Variants in CD40 observed in about 807,000 individuals in gnomAD.
The protein encoded by CD40 is CD40 molecule.
In CD40, 19 loss-of-function variants were observed where a neutral mutation model predicts 38.5. The observed-to-expected ratio is 0.49, with a 90% CI of 0.34 to 0.72. CD40 has a LOEUF of 0.72. Among genes scored for constraint, CD40 ranks in the 30% least tolerant of loss-of-function variants. The pLI is 0.01. For missense variants in CD40, 256 were observed against 344.1 expected (o/e 0.74, Z 2.03); for synonymous variants, 130 against 128.7 (o/e 1.01, Z -0.07).
chr20:46,123,790 A>G (rs1244249330), intron 5 of CD40, among the ~76,000 whole-genome samples: 1 of 151,994 alleles, frequency 6.6e-6, no homozygotes, highest in Non-Finnish European at 1.5e-5. Flanking sequence ...TCTTGCCAAC[A>G]TGAGCGTTCG....
In CD40 at chr20:46,122,792, G is replaced by A. The variant is rs2085345323; in HGVS notation, c.403+36G>A. ...CATCTGGGAATCAGTTTTGGAGGGGGACAGAGGAGCTTAGGGCCCAAGGTG... is the reference window on the plus strand; with the variant it reads ...CATCTGGGAATCAGTTTTGGAGGGGAACAGAGGAGCTTAGGGCCCAAGGTG... On this transcript the variant is annotated intron_variant, in intron 4 of 8. Transcript: ENST00000372285. This position sits in a 1 kb window ranked among gnomAD's most constrained non-coding sequence, Gnocchi z 5.0. 6.2e-7 allele frequency: 1 copy of A among 1,612,954 alleles called. No individual in the cohort carries two copies. Among genetic ancestry groups the A allele is most frequent in the Admixed American group, 1.7e-5 (1 of 59,988 alleles).
Position 46,122,274 on chromosome 20 carries a change from G to T in CD40, c.172G>T (p.Glu58Ter). ...VSDCTEFTET[E>*]CLPCGESEFL... ...TGACTGCACAGAGTTCACTGAAACG[G>T]AATGCCTTCCTTGCGGTGAAAGCGA... is the stretch of plus-strand genomic sequence containing the variant. Residue 58 changes from glutamate (E) to a stop codon, truncating the protein, a stop_gained, in exon 3 of 9, where the codon GAA (glutamate) becomes TAA (stop). Coordinates refer to ENST00000372285, the MANE Select transcript of CD40 (RefSeq NM_001250.6). LOFTEE classifies it high-confidence loss of function. The surrounding 1 kb of genome is among the most constrained non-coding windows in gnomAD (Gnocchi z 5.0). 6.2e-7 allele frequency: 1 copy of T among 1,614,164 alleles called. No individual in the cohort carries two copies. Among genetic ancestry groups the T allele is most frequent in the Non-Finnish European group, 8.5e-7 (1 of 1,180,022 alleles).
At chr20:46,120,339 G>T (rs1219856417) in intron 1 of CD40, among the ~76,000 whole-genome samples, 1 of 152,242 alleles carries the variant, frequency 6.6e-6, no homozygotes, top group Non-Finnish European at 1.5e-5. Flanking sequence ...TAGAGATAGA[G>T]AAACTGAGGC....
rs565812181 is a variant in CD40 at position 46,121,237 on chromosome 20, C to G, written c.52-583C>G. On this transcript the variant is annotated intron_variant, in intron 1 of 8. Coordinates refer to ENST00000372285, the MANE Select transcript of CD40 (RefSeq NM_001250.6). The stretch of plus-strand genomic sequence containing the variant: ...GAGACTCTGGGCAAGTGACCCTCCT[C>G]TTTGGTGCTCAGTCTCAACTATCTG... Among the ~76,000 whole-genome samples the G allele has an allele frequency of 1.7e-4, 26 of 152,286 alleles. No individual in the cohort carries two copies. In the South Asian group the frequency reaches 4.4e-3, roughly 26 times the overall value.
At chr20:46,127,701 C>T (rs1031076491) in intron 6 of CD40, among the ~76,000 whole-genome samples, 2 of 152,200 alleles carry the variant, frequency 1.3e-5, no homozygotes, top group Non-Finnish European at 2.9e-5. Context: ...TTCCCCTCCA[C>T]TCTTCTATAC....
intron 4 of CD40, 105 bp from the exon 5 acceptor site, chr20:46,123,021 C>G: frequency 1.0e-6 from 1 of 994,676 alleles, no homozygotes; most frequent in Non-Finnish European, 1.6e-6. Context: ...GGGAAGAGTG[C>G]TCAAGGCAGG....
chr20:46,129,067 A>C lies in CD40; in HGVS notation c.*27A>C, dbSNP rs1183644468. 6.2e-7 allele frequency: 1 copy of C among 1,612,918 alleles called. No homozygotes were observed. Among genetic ancestry groups the C allele is most frequent in the Non-Finnish European group, 8.5e-7 (1 of 1,179,446 alleles). ...GCTGCACCCACCCAGGAGTGTGGCCACGTGGGCAAACAGGCAGTTGGCCAG... is the reference window on the plus strand; with the variant it reads ...GCTGCACCCACCCAGGAGTGTGGCCCCGTGGGCAAACAGGCAGTTGGCCAG... On this transcript the variant is annotated 3_prime_UTR_variant, in exon 9 of 9. Coordinates refer to ENST00000372285, the MANE Select transcript of CD40 (RefSeq NM_001250.6).
chr20:46,118,646 C>T (rs1041082565), intron 1 of CD40, among the ~76,000 whole-genome samples: 3 of 152,108 alleles, frequency 2.0e-5, no homozygotes, highest in East Asian at 1.9e-4. Flanking sequence ...CGTGCCTAGA[C>T]GGCCTGGACG....
chr20:46,128,635 TG>T, intron 8 of CD40: 1 of 677,766 alleles, frequency 1.5e-6, no homozygotes, highest in Non-Finnish European at 2.6e-6. Flanking sequence ...CTTTGGGCCT[TG>T]GGGCTGGGTC....
chr20:46,128,856 G>T, intron 8 of CD40, 26 bp from the exon 9 acceptor site: 1 of 1,613,506 alleles, frequency 6.2e-7, no homozygotes, highest in Middle Eastern at 1.7e-4. Context: ...TGCTGCTGGG[G>T]GTGACCTCAC....
chr20:46,121,185 G>C (rs1411219448), intron 1 of CD40, among the ~76,000 whole-genome samples: 1 of 152,226 alleles, frequency 6.6e-6, no homozygotes, highest in African/African-American at 2.4e-5. Context: ...ATTGAGACCT[G>C]AGTTCTCATT....
rs1250462026 is a variant in CD40 at position 46,129,593 on chromosome 20, G to A, written c.*553G>A. 1.2e-5 allele frequency: 2 copies of A among 168,972 alleles called. No homozygotes were observed. Among genetic ancestry groups the A allele is most frequent in the Admixed American group, 1.1e-4 (2 of 18,202 alleles). The allele number at this position is 168,972 out of a possible 1,614,324, so 10.5% of individuals were successfully genotyped here. A position where few individuals can be genotyped will look rare whatever the true frequency, so the allele number is the denominator to read the frequency against. On this transcript the variant is annotated 3_prime_UTR_variant, in exon 9 of 9. Transcript: ENST00000372285. ...GATGGGTATGGAACTTTTTAAAAAA[G>A]TACATGCTTTTATGTATGTATATTG...
At position 46,122,202 on chromosome 20, in the gene CD40, G is replaced by T. The variant is rs747149466; in HGVS notation, c.131-31G>T. 3 of 1,614,056 alleles carry T rather than the reference G, an allele frequency of 1.9e-6. No individual in the cohort carries two copies. Among genetic ancestry groups the T allele is most frequent in the Non-Finnish European group, 2.5e-6 (3 of 1,179,920 alleles). On this transcript the variant is annotated intron_variant, in intron 2 of 8. Coordinates refer to ENST00000372285, the MANE Select transcript of CD40 (RefSeq NM_001250.6). This position sits in a 1 kb window ranked among gnomAD's most constrained non-coding sequence, Gnocchi z 5.0. ...AGTGTCTGACTCATGGAGTTGGCCA[G>T]AGCCCTCCCTCATTTCCTGATGTTT... is the stretch of plus-strand genomic sequence containing the variant.
chr20:46,125,168 A>G (rs2085408246), intron 5 of CD40, among the ~76,000 whole-genome samples: 2 of 152,114 alleles, frequency 1.3e-5, no homozygotes, highest in Admixed American at 1.3e-4. Flanking sequence ...CCTCATCTGA[A>G]AAATGGGAAT....
chr20:46,128,603 T>C (rs781292706), intron 8 of CD40: 1 of 702,918 alleles, frequency 1.4e-6, no homozygotes, highest in African/African-American at 1.8e-5. Flanking sequence ...TTTCCTGGCA[T>C]TCAACGCGTG....
In CD40 at chr20:46,122,911, A is replaced by C. The variant is rs578123474; in HGVS notation, c.403+155A>C. The C allele has an allele frequency of 1.2e-4, 126 of 1,029,768 alleles. No homozygotes were observed. In the South Asian group the frequency reaches 1.8e-3, roughly 14 times the overall value. The allele number at this position is 1,029,768 out of a possible 1,614,324, so 63.8% of individuals were successfully genotyped here. ...CCCACTGGAGTGAGCTGCAGACGGG[A>C]CCTTGTTCATTCTGCCTTCTGCCAT... On this transcript the variant is annotated intron_variant, in intron 4 of 8. Transcript: ENST00000372285. This position sits in a 1 kb window ranked among gnomAD's most constrained non-coding sequence, Gnocchi z 5.0.
At chr20:46,123,646 G>A (rs1002080352) in intron 5 of CD40, among the ~76,000 whole-genome samples, 2 of 152,074 alleles carry the variant, frequency 1.3e-5, no homozygotes, top group African/African-American at 2.4e-5. Flanking sequence ...GGCTGTCTAC[G>A]TGTTTTGGGA....
At chr20:46,128,576 T>A in intron 8 of CD40, 1 of 712,196 alleles carries the variant, frequency 1.4e-6, no homozygotes. Flanking sequence ...AGCCTAACAC[T>A]GGCTGTTCTT....
chr20:46,119,493 G>T (rs906735129), intron 1 of CD40, among the ~76,000 whole-genome samples: 1 of 152,178 alleles, frequency 6.6e-6, no homozygotes, highest in African/African-American at 2.4e-5. Flanking sequence ...GGGCCCTTGT[G>T]GTAGGAGTGG....
Sources: gnomAD v4.1 joint callset for allele counts (sites outside exome capture counted in the v4.1 genomes callset) on GRCh38, gnomAD v4.1.1 for gene constraint, Gnocchi (gnomAD v3.1) non-coding constraint, MANE v1.5 for transcripts, NCBI Gene and HGNC (gene_info 2026-07-23, HGNC 2026-07-21) for gene names.